The following GNG12 variants were observed in gnomAD, a reference collection of about 807,000 sequenced individuals.
The protein encoded by GNG12 is guanine nucleotide-binding protein G(I)/G(S)/G(O) subunit gamma-12.
For synonymous variants in GNG12, 28 were observed against 29.7 expected, an observed-to-expected ratio of 0.94 and a Z score of 0.19; for missense variants, 69 against 83.8, an observed-to-expected ratio of 0.82 and a Z score of 0.69.
At chr1:67,787,645 G>C (rs1047556831) in intron 1 of GNG12, among the ~76,000 whole-genome samples, 2 of 152,084 alleles carry the variant, frequency 1.3e-5, no homozygotes, top group African/African-American at 2.4e-5. Flanking sequence ...TTGTACCATG[G>C]CTACAACCTC....
chr1:67,794,905 C>G (rs1471655923), intron 1 of GNG12, among the ~76,000 whole-genome samples: 2 of 152,214 alleles, frequency 1.3e-5, no homozygotes, highest in Non-Finnish European at 2.9e-5. Context: ...ACCTGCCAAC[C>G]CATTTTTTCT....
At chr1:67,770,538 C>T (rs1456628507) in intron 2 of GNG12, among the ~76,000 whole-genome samples, 1 of 151,924 alleles carries the variant, frequency 6.6e-6, no homozygotes, top group African/African-American at 2.4e-5. Context: ...AGGTTCTCCC[C>T]GAGAGGGCTT....
At chr1:67,721,626 A>C (rs982252346) in intron 2 of GNG12, among the ~76,000 whole-genome samples, 4 of 152,224 alleles carry the variant, frequency 2.6e-5, no homozygotes, top group Non-Finnish European at 5.9e-5. Flanking sequence ...TCTTAGCATT[A>C]TCCTAGGACT....
At chr1:67,802,788 C>T (rs1333596240) in intron 1 of GNG12, among the ~76,000 whole-genome samples, 1 of 151,848 alleles carries the variant, frequency 6.6e-6, no homozygotes, top group Non-Finnish European at 1.5e-5. Context: ...CTCCTGCCCA[C>T]CACTCCCTGG....
intron 2 of GNG12, among the ~76,000 whole-genome samples, chr1:67,745,492 C>A (rs970077155): frequency 1.2e-4 from 18 of 152,208 alleles, no homozygotes; most frequent in African/African-American, 3.9e-4. Flanking sequence ...GGCATCCAAG[C>A]CCCACAGGGT....
intron 2 of GNG12, among the ~76,000 whole-genome samples, chr1:67,713,420 A>G (rs1646307623): frequency 6.6e-6 from 1 of 152,252 alleles, no homozygotes; most frequent in Non-Finnish European, 1.5e-5. Context: ...ATTCCTAGGA[A>G]CATGATGGTC....
chr1:67,742,230 G>A lies in GNG12; in HGVS notation c.-26-34518C>T, dbSNP rs989949168. ...CACAAAAAGACTCATCCACCACAAT[G>A]TGCATTAATCAATCAATATCAAGAA... On this transcript the variant is annotated intron_variant, in intron 2 of 3. Coordinates refer to ENST00000370982, the MANE Select transcript of GNG12 (RefSeq NM_018841.6). Among the ~76,000 whole-genome samples, 135 of 152,280 alleles carry A rather than the reference G, an allele frequency of 8.9e-4. 1 individual carries two copies. Among genetic ancestry groups the A allele is most frequent in the African/African-American group, 3.2e-3 (131 of 41,560 alleles).
At chr1:67,808,799 G>C (rs1297905733) in intron 1 of GNG12, among the ~76,000 whole-genome samples, 1 of 152,084 alleles carries the variant, frequency 6.6e-6, no homozygotes, top group African/African-American at 2.4e-5. Context: ...TATCTAAGAA[G>C]ATCTAAATGA....
At chr1:67,763,687 C>T (rs960199487) in intron 2 of GNG12, among the ~76,000 whole-genome samples, 8 of 152,122 alleles carry the variant, frequency 5.3e-5, no homozygotes, top group Admixed American at 1.3e-4. Flanking sequence ...TTCCATTTTA[C>T]ACAAGCATGT....
intron 2 of GNG12, among the ~76,000 whole-genome samples, chr1:67,764,557 T>C (rs1033271432): frequency 3.9e-5 from 6 of 152,106 alleles, no homozygotes; most frequent in African/African-American, 4.8e-5. Context: ...TTGCTCAGCA[T>C]TGCAATTACC....
chr1:67,716,081 C>T (rs896357981), intron 2 of GNG12, among the ~76,000 whole-genome samples: 5 of 152,110 alleles, frequency 3.3e-5, no homozygotes, highest in Non-Finnish European at 1.5e-5. Flanking sequence ...TGCTGGCTTA[C>T]AGGCAAGGCA....
Position 67,744,420 on chromosome 1 carries a change from G to GCTA in GNG12, c.-27+33035_-27+33037dup, listed in dbSNP as rs199986860. On this transcript the variant is annotated intron_variant, in intron 2 of 3. Transcript: ENST00000370982. ...CTCAGGTGTCCAAGGAAAGGCAGAG[G>GCTA]CTACCCCTGGTGTTTCCTCTCCACT... Among the ~76,000 whole-genome samples, 114 of 152,250 alleles carry GCTA rather than the reference G, an allele frequency of 7.5e-4. 1 individual carries two copies. In the East Asian group the frequency reaches 0.015, roughly 20 times the overall value.
chr1:67,794,427 T>A (rs1210632113), intron 1 of GNG12, among the ~76,000 whole-genome samples: 1 of 152,108 alleles, frequency 6.6e-6, no homozygotes, highest in Non-Finnish European at 1.5e-5. Context: ...GATTCCCAAC[T>A]TTGAAACTGG....
intron 1 of GNG12, among the ~76,000 whole-genome samples, chr1:67,799,792 C>CA (rs1646853737): frequency 6.6e-6 from 1 of 151,962 alleles, no homozygotes; most frequent in African/African-American, 2.4e-5. Context: ...CAATGTTTTC[C>CA]AAAACAGAAG....
chr1:67,749,624 C>G lies in GNG12; in HGVS notation c.-27+27834G>C, dbSNP rs140568534. On this transcript the variant is annotated intron_variant, in intron 2 of 3. Transcript: ENST00000370982. ...AAGCACGTCTCAGAGGCAGCCTGCA[C>G]GACAGAGCAAAGGGCTTATTTTAGG... Among the ~76,000 whole-genome samples, 15 of 152,286 alleles carry G rather than the reference C, an allele frequency of 9.8e-5. No homozygotes were observed. The East Asian group carries it at 2.9e-3, about 29-fold the overall frequency.
At chr1:67,717,877 C>A (rs1385281736) in intron 2 of GNG12, among the ~76,000 whole-genome samples, 1 of 152,204 alleles carries the variant, frequency 6.6e-6, no homozygotes, top group African/African-American at 2.4e-5. Flanking sequence ...CAAATCCCGG[C>A]TCATCACTTA....
intron 2 of GNG12, among the ~76,000 whole-genome samples, chr1:67,772,110 G>C (rs185094021): frequency 3.9e-5 from 6 of 152,188 alleles, no homozygotes; most frequent in Admixed American, 2.6e-4. Flanking sequence ...CAGGGAAGGG[G>C]GTAGGCATGG....
At chr1:67,705,629 C>T in intron 3 of GNG12, 53 bp from the exon 4 acceptor site, 4 of 1,572,910 alleles carry the variant, frequency 2.5e-6, no homozygotes, top group African/African-American at 1.4e-5. Context: ...TACTTGCACA[C>T]TTTCAGAGCG....
At chr1:67,763,757 CT>C (rs1646620302) in intron 2 of GNG12, among the ~76,000 whole-genome samples, 2 of 152,186 alleles carry the variant, frequency 1.3e-5, no homozygotes, top group East Asian at 1.9e-4. Context: ...ATCCACCCCC[CT>C]CCCACCCTAT....
Sources: gnomAD v4.1 joint callset for allele counts (sites outside exome capture counted in the v4.1 genomes callset) on GRCh38, gnomAD v4.1.1 for gene constraint, MANE v1.5 for transcripts, NCBI Gene and HGNC (gene_info 2026-07-23, HGNC 2026-07-21) for gene names.